Variants in NRP2 observed in about 807,000 individuals in gnomAD.
NRP2 encodes the protein neuropilin 2, also known as neuropilin-2.
NRP2 carries 52 observed loss-of-function variants against 110.4 expected under a neutral mutation model. That is an observed-to-expected ratio of 0.47 (90% CI 0.38 to 0.59). The LOEUF (loss-of-function observed/expected upper bound fraction) is 0.59. Ranked by LOEUF, NRP2 falls within the 20% of genes least tolerant of loss-of-function variation. The probability of loss-of-function intolerance (pLI) is 0.00; values close to 1 mark genes in which losing one functional copy is unlikely to be tolerated. For missense variants in NRP2, 1,049 were observed against 1,203.0 expected, an observed-to-expected ratio of 0.87 and a Z score of 1.89; for synonymous variants, 508 against 468.9, an observed-to-expected ratio of 1.08 and a Z score of -1.08.
intron 7 of NRP2, 45 bp from the exon 8 acceptor site, chr2:205,740,474 A>G (rs779865004): frequency 6.2e-7 from 1 of 1,612,712 alleles, no homozygotes; most frequent in South Asian, 1.1e-5. Flanking sequence ...TGGCTGAACT[A>G]CAAACAGGGG....
intron 2 of NRP2, among the ~76,000 whole-genome samples, chr2:205,704,569 A>C (rs947268567): frequency 1.3e-5 from 2 of 152,216 alleles, no homozygotes; most frequent in African/African-American, 4.8e-5. Flanking sequence ...ACCAACCTTG[A>C]CCACAGGGTC....
At chr2:205,783,432 A>G (rs2058199709) in intron 15 of NRP2, among the ~76,000 whole-genome samples, 2 of 152,212 alleles carry the variant, frequency 1.3e-5, no homozygotes, top group African/African-American at 4.8e-5. Flanking sequence ...AAATTTATGT[A>G]AAAAACATCC....
At chr2:205,734,115 TAGAC>T (rs2057295584) in intron 7 of NRP2, among the ~76,000 whole-genome samples, 1 of 152,112 alleles carries the variant, frequency 6.6e-6, no homozygotes, top group African/African-American at 2.4e-5. Flanking sequence ...ATTTGGTTGT[TAGAC>T]AGCTTCTTTG....
intron 15 of NRP2, among the ~76,000 whole-genome samples, chr2:205,785,416 G>GA (rs971608291): frequency 1.3e-5 from 2 of 152,116 alleles, no homozygotes; most frequent in Admixed American, 6.5e-5. Flanking sequence ...ACAAGAGGGG[G>GA]AAAAAACAGC....
intron 1 of NRP2, among the ~76,000 whole-genome samples, chr2:205,689,678 C>T (rs1444873011): frequency 6.6e-6 from 1 of 151,968 alleles, no homozygotes; most frequent in Non-Finnish European, 1.5e-5. Flanking sequence ...CATTTTTTCC[C>T]TCCTTCTTCC....
chr2:205,762,324 G>A (rs1473843627), intron 12 of NRP2: 2 of 152,314 alleles, frequency 1.3e-5, no homozygotes, highest in Non-Finnish European at 2.9e-5. Flanking sequence ...CAGCTGGGGA[G>A]TCAAGAAGGA....
intron 12 of NRP2, among the ~76,000 whole-genome samples, chr2:205,758,177 G>A (rs1424434214): frequency 6.6e-6 from 1 of 152,220 alleles, no homozygotes; most frequent in African/African-American, 2.4e-5. Flanking sequence ...AGCAGAGATA[G>A]GCAGACCTTG....
Position 205,682,974 on chromosome 2 carries a change from T to G in NRP2, c.-317T>G, listed in dbSNP as rs2056048724. The G allele has an allele frequency of 9.5e-6, 3 of 315,450 alleles. No individual in the cohort carries two copies. Among genetic ancestry groups the G allele is most frequent in the African/African-American group, 4.3e-5 (2 of 46,990 alleles). 19.5% of individuals were successfully genotyped at this position (315,450 alleles called of 1,614,324 possible). A position where few individuals can be genotyped will look rare whatever the true frequency, so the allele number is the denominator to read the frequency against. ...CTTGGCTTTCGGGAAATACTCGTGA[T>G]ATTTGTAGGATAAAGGAAATGACAC... On this transcript the variant is annotated 5_prime_UTR_variant, in exon 1 of 17. Coordinates refer to ENST00000357785, the MANE Select transcript of NRP2 (RefSeq NM_003872.3). This position sits in a 1 kb window ranked among gnomAD's most constrained non-coding sequence, Gnocchi z 4.3.
chr2:205,736,168 C>A (rs1306726390), intron 7 of NRP2, among the ~76,000 whole-genome samples: 1 of 151,952 alleles, frequency 6.6e-6, no homozygotes, highest in Non-Finnish European at 1.5e-5. Flanking sequence ...GTGGTGAAAC[C>A]CTGTCTCTAC....
At chr2:205,706,350 T>C (rs2056677969) in intron 2 of NRP2, among the ~76,000 whole-genome samples, 1 of 152,014 alleles carries the variant, frequency 6.6e-6, no homozygotes, top group Non-Finnish European at 1.5e-5. Flanking sequence ...AACAAATAAT[T>C]GTTTTATTGG....
At chr2:205,732,192 A>G (rs994513247) in intron 7 of NRP2, among the ~76,000 whole-genome samples, 10 of 152,206 alleles carry the variant, frequency 6.6e-5, no homozygotes, top group Non-Finnish European at 4.4e-5. Flanking sequence ...GGCTTAACCC[A>G]CTAGGCTCAT....
In NRP2 at chr2:205,745,871, G is replaced by T. The variant is rs768043157; in HGVS notation, c.1767G>T (p.Val589=). 1 of 1,614,214 alleles carries T rather than the reference G, an allele frequency of 6.2e-7. No individual in the cohort carries two copies. The highest frequency in any genetic ancestry group is 8.5e-7 in the Non-Finnish European group (1 of 1,180,028). ...CGGGGATTGGGATGCGGCTGGAGGT[G>T]CTGGGCTGTGACTGGACAGGTAAGA... ...SPAGIGMRLE[V]LGCDWTDSKP... is the part of the protein sequence containing the mutation. The change falls in exon 10 of 17, where the codon GTG becomes GTT. Residue 589 remains valine (V), a synonymous_variant. Coordinates refer to ENST00000357785, the MANE Select transcript of NRP2 (RefSeq NM_003872.3).
In NRP2 at chr2:205,796,085, T is replaced by G. The variant is rs1450937554; in HGVS notation, c.*1027T>G. The G allele has an allele frequency of 6.6e-6, 1 of 152,148 alleles. No homozygotes were observed. Among genetic ancestry groups the G allele is most frequent in the Non-Finnish European group, 1.5e-5 (1 of 68,024 alleles). The allele number at this position is 152,148 out of a possible 1,614,324, so 9.4% of individuals were successfully genotyped here. On this transcript the variant is annotated 3_prime_UTR_variant, in exon 17 of 17. Transcript: ENST00000357785. Reference sequence around the variant, plus strand: ...AGAGACTATTGGTATGTTCTCCCCATCAGCGAGTTATTGTAACTGGTCACC... The same window carrying G: ...AGAGACTATTGGTATGTTCTCCCCAGCAGCGAGTTATTGTAACTGGTCACC...
intron 7 of NRP2, among the ~76,000 whole-genome samples, chr2:205,730,432 G>A (rs1322921340): frequency 2.0e-5 from 3 of 152,132 alleles, no homozygotes; most frequent in Non-Finnish European, 4.4e-5. Flanking sequence ...CCACCACTGA[G>A]TTTCTCTTTG....
intron 15 of NRP2, among the ~76,000 whole-genome samples, chr2:205,773,196 C>T (rs1274485613): frequency 6.6e-6 from 1 of 152,222 alleles, no homozygotes; most frequent in Non-Finnish European, 1.5e-5. Context: ...TCTAAACCAG[C>T]ACACTCCACC....
Position 205,795,734 on chromosome 2 carries a change from T to C in NRP2, c.*676T>C, listed in dbSNP as rs2058346637. On this transcript the variant is annotated 3_prime_UTR_variant, in exon 17 of 17. Coordinates refer to ENST00000357785, the MANE Select transcript of NRP2 (RefSeq NM_003872.3). ...GAAAATTGCCATTTTAGGGTCAGCATGAACAGCTCTTTCTTGTATGCGATT... is the reference window on the plus strand; with the variant it reads ...GAAAATTGCCATTTTAGGGTCAGCACGAACAGCTCTTTCTTGTATGCGATT... The C allele has an allele frequency of 6.6e-6, 1 of 152,640 alleles. No homozygotes were observed. 9.5% of individuals were successfully genotyped at this position (152,640 alleles called of 1,614,324 possible). A position where few individuals can be genotyped will look rare whatever the true frequency, so the allele number is the denominator to read the frequency against.
intron 15 of NRP2, among the ~76,000 whole-genome samples, chr2:205,771,670 A>G (rs2058025502): frequency 6.6e-6 from 1 of 152,216 alleles, no homozygotes; most frequent in African/African-American, 2.4e-5. Flanking sequence ...GAGACACGCC[A>G]ATCCTCAGAC....
intron 7 of NRP2, among the ~76,000 whole-genome samples, chr2:205,728,377 A>T (rs1327085297): frequency 6.6e-6 from 1 of 152,216 alleles, no homozygotes; most frequent in Non-Finnish European, 1.5e-5. Context: ...TTATGGCCTG[A>T]GTCCCTTCCA....
At chr2:205,713,611 TA>T (rs1043441949) in intron 2 of NRP2, among the ~76,000 whole-genome samples, 1 of 152,364 alleles carries the variant, frequency 6.6e-6, no homozygotes, top group East Asian at 1.9e-4. Context: ...AACATACTTT[TA>T]AAAAATCTCC....
Sources: allele counts gnomAD v4.1 joint callset (sites outside exome capture counted in the v4.1 genomes callset), GRCh38; gene constraint gnomAD v4.1.1; non-coding constraint Gnocchi (gnomAD v3.1); transcripts MANE v1.5; gene names NCBI Gene and HGNC (gene_info 2026-07-23, HGNC 2026-07-21).